ATAD2B: variants seen among roughly 807,000 people sequenced by gnomAD.
ATAD2B encodes ATPase family AAA domain containing 2B.
A neutral mutation model predicts 167.6 loss-of-function variants in ATAD2B; 40 were observed. The observed-to-expected ratio is 0.24, with a 90% CI of 0.19 to 0.31. ATAD2B has a LOEUF of 0.31. Ranked by LOEUF, ATAD2B falls within the 10% of genes least tolerant of loss-of-function variation. ATAD2B has a pLI of 1.00. For synonymous variants in ATAD2B, 579 were observed against 596.5 expected, an observed-to-expected ratio of 0.97 and a Z score of 0.43; for missense variants, 1,242 against 1,757.2, an observed-to-expected ratio of 0.71 and a Z score of 5.24.
At chr2:23,771,741 C>T (rs1259343967) in intron 22 of ATAD2B, among the ~76,000 whole-genome samples, 3 of 152,164 alleles carry the variant, frequency 2.0e-5, no homozygotes, top group African/African-American at 7.2e-5. Context: ...TCTATTGCGG[C>T]CCCTGTGTGA....
At chr2:23,818,901 G>A (rs983168309) in intron 17 of ATAD2B, among the ~76,000 whole-genome samples, 2 of 151,958 alleles carry the variant, frequency 1.3e-5, no homozygotes, top group Non-Finnish European at 2.9e-5. Context: ...ATAATAAAAG[G>A]GTAAATGTAA....
chr2:23,782,041 T>A (rs1396092269), intron 22 of ATAD2B, among the ~76,000 whole-genome samples: 1 of 152,198 alleles, frequency 6.6e-6, no homozygotes, highest in Non-Finnish European at 1.5e-5. Flanking sequence ...GCCTGCTAAC[T>A]CCTGAGGTCA....
intron 1 of ATAD2B, among the ~76,000 whole-genome samples, chr2:23,903,077 T>C (rs773173064): frequency 5.9e-5 from 9 of 151,602 alleles, no homozygotes; most frequent in Admixed American, 2.0e-4. Context: ...TCTACAAAAA[T>C]ATAGAAAAAT....
In ATAD2B at chr2:23,762,507, G is replaced by A. The variant is rs537150410; in HGVS notation, c.3257-161C>T. 1.5e-4 allele frequency among the ~76,000 whole-genome samples: 23 copies of A among 152,214 alleles called. No individual in the cohort carries two copies. In the East Asian group the frequency reaches 4.0e-3, roughly 27 times the overall value. On this transcript the variant is annotated intron_variant, in intron 23 of 27. Transcript: ENST00000238789. ...AAGCAGTGTCTTTTGTTTTAAGATG[G>A]GTAAGAAACTTAGATATAAAATCAT...
At chr2:23,806,742 C>A (rs367976569) in intron 18 of ATAD2B, among the ~76,000 whole-genome samples, 1 of 152,092 alleles carries the variant, frequency 6.6e-6, no homozygotes, top group African/African-American at 2.4e-5. Flanking sequence ...GTAATAAGCA[C>A]GATTATAACT....
the ATAD2B span, among the ~76,000 whole-genome samples, chr2:23,741,338 C>A: frequency 2.0e-5 from 3 of 152,188 alleles, no homozygotes; most frequent in Admixed American, 2.0e-4. Context: ...CAGCATGGTA[C>A]TGGTACCAAA....
At chr2:23,913,933 C>T (rs1234623275) in intron 1 of ATAD2B, among the ~76,000 whole-genome samples, 9 of 152,050 alleles carry the variant, frequency 5.9e-5, no homozygotes, top group Admixed American at 5.2e-4. Flanking sequence ...CGCCAGGGCA[C>T]TCAAGCCTGG....
chr2:23,836,081 C>T (rs894855882), intron 13 of ATAD2B, among the ~76,000 whole-genome samples: 1 of 152,186 alleles, frequency 6.6e-6, no homozygotes, highest in African/African-American at 2.4e-5. Context: ...CCCACTCGAC[C>T]TGACTGCGCT....
chr2:23,867,778 C>T (rs778247724), intron 10 of ATAD2B, 57 bp downstream of exon 10: 4 of 1,267,784 alleles, frequency 3.2e-6, no homozygotes, highest in Non-Finnish European at 4.5e-6. Flanking sequence ...GCTTTAGAAA[C>T]AAGAAAAAAA....
intron 22 of ATAD2B, among the ~76,000 whole-genome samples, chr2:23,766,819 A>C (rs1336197281): frequency 6.6e-6 from 1 of 152,080 alleles, no homozygotes; most frequent in Non-Finnish European, 1.5e-5. Context: ...TGTGGGTTCC[A>C]ATTTAGATTG....
intron 17 of ATAD2B, among the ~76,000 whole-genome samples, chr2:23,816,555 C>T (rs991764665): frequency 6.6e-6 from 1 of 152,036 alleles, no homozygotes; most frequent in African/African-American, 2.4e-5. Flanking sequence ...AGGATATAAT[C>T]CAGATAATGT....
chr2:23,864,186 G>C (rs1019047673), intron 11 of ATAD2B, among the ~76,000 whole-genome samples: 2 of 151,966 alleles, frequency 1.3e-5, no homozygotes, highest in African/African-American at 4.8e-5. Context: ...TGTATTTTCA[G>C]TAGAGACGAG....
chr2:23,880,691 T>G lies in ATAD2B; in HGVS notation c.849A>C (p.Pro283=). 6.2e-7 allele frequency: 1 copy of G among 1,610,450 alleles called. No homozygotes were observed. Among genetic ancestry groups the G allele is most frequent in the Non-Finnish European group, 8.5e-7 (1 of 1,178,004 alleles). ...EEAEGEENDR[P]YNLRQRKTVD... is the part of the protein sequence containing the mutation. ...CTGTTTTTCTCTGTCTCAAATTATA[T>G]GGTCTATCATTTTCTTCTCCTTCTG... is the stretch of plus-strand genomic sequence containing the variant. The change falls in exon 7 of 28, where the codon CCA becomes CCC. Residue 283 remains proline, a synonymous_variant. Coordinates refer to ENST00000238789, the MANE Select transcript of ATAD2B (RefSeq NM_017552.4).
At chr2:23,774,134 T>A (rs931360325) in intron 22 of ATAD2B, among the ~76,000 whole-genome samples, 2 of 152,198 alleles carry the variant, frequency 1.3e-5, no homozygotes, top group African/African-American at 2.4e-5. Context: ...TTTTATGGTA[T>A]GATTTTTCAT....
intron 1 of ATAD2B, among the ~76,000 whole-genome samples, chr2:23,912,722 G>T (rs1364020158): frequency 6.6e-6 from 1 of 152,134 alleles, no homozygotes; most frequent in East Asian, 1.9e-4. Context: ...CGGGCACAAT[G>T]GCTCACATCT....
At chr2:23,836,999 C>A (rs1690092343) in intron 13 of ATAD2B, among the ~76,000 whole-genome samples, 1 of 152,158 alleles carries the variant, frequency 6.6e-6, no homozygotes, top group South Asian at 2.1e-4. Flanking sequence ...TCACCACGGA[C>A]CCACCCCCTT....
chr2:23,872,929 T>C (rs889874083), intron 8 of ATAD2B: 20 of 762,574 alleles, frequency 2.6e-5, no homozygotes, highest in South Asian at 6.7e-5. Context: ...CGGGCTCACA[T>C]TGGCATTGTA....
chr2:23,711,335 TTTC>T, the ATAD2B span, among the ~76,000 whole-genome samples: 6 of 79,790 alleles, frequency 7.5e-5, no homozygotes, highest in African/African-American at 2.5e-4. Context: ...TTCCACAGAA[TTTC>T]TTTCTTTTTT....
chr2:23,754,287 C>T lies in ATAD2B; in HGVS notation c.4227G>A (p.Val1409=). 6.4e-7 allele frequency: 1 copy of T among 1,557,212 alleles called. No individual in the cohort carries two copies. Among genetic ancestry groups the T allele is most frequent in the Non-Finnish European group, 8.7e-7 (1 of 1,152,862 alleles). Residue 1409 remains valine (V), a synonymous_variant, in exon 27 of 28, where the codon GTG becomes GTA. Transcript: ENST00000238789. Reference sequence around the variant, plus strand: ...CAACTGCCAGATTGTTGCTTTTATCCACCAACAAATCAAGCAATTTCTAAG... The same window carrying T: ...CAACTGCCAGATTGTTGCTTTTATCTACCAACAAATCAAGCAATTTCTAAG... ...ERLKKLLDLL[V]DKSNNLAVDQ...
Sources: gnomAD v4.1 joint callset for allele counts (sites outside exome capture counted in the v4.1 genomes callset) on GRCh38, gnomAD v4.1.1 for gene constraint, MANE v1.5 for transcripts, NCBI Gene and HGNC (gene_info 2026-07-23, HGNC 2026-07-21) for gene names.